The following CELF4 variants were observed in gnomAD, a reference collection of about 807,000 sequenced individuals.
The protein encoded by CELF4 is CUGBP Elav-like family member 4.
CELF4 carries 18 observed loss-of-function variants against 59.9 expected under a neutral mutation model. The observed-to-expected ratio is 0.30, with a 90% CI of 0.21 to 0.45. The LOEUF (loss-of-function observed/expected upper bound fraction) is 0.45. Ranked by LOEUF, CELF4 falls within the 20% of genes least tolerant of loss-of-function variation. The pLI, the probability that CELF4 is intolerant of heterozygous loss-of-function variation, is 1.00. For synonymous variants in CELF4, 261 were observed against 267.1 expected (o/e 0.98, Z 0.22); for missense variants, 456 against 689.0 (o/e 0.66, Z 3.79).
chr18:37,392,504 G>A (rs1367386909), intron 2 of CELF4, among the ~76,000 whole-genome samples: 1 of 152,186 alleles, frequency 6.6e-6, no homozygotes, highest in Non-Finnish European at 1.5e-5. Flanking sequence ...GAGGAGCGGG[G>A]AAGAGGCAGC....
chr18:37,388,682 G>A (rs557150703), intron 2 of CELF4, among the ~76,000 whole-genome samples: 2 of 152,294 alleles, frequency 1.3e-5, no homozygotes, highest in South Asian at 4.1e-4. Flanking sequence ...CAATAAGTGC[G>A]GTGGGGAGGG....
chr18:37,312,935 A>T (rs1016030249), intron 3 of CELF4, among the ~76,000 whole-genome samples: 1 of 152,212 alleles, frequency 6.6e-6, no homozygotes, highest in Non-Finnish European at 1.5e-5. Context: ...GAACAAGGAT[A>T]TGTAGCCCCC....
At chr18:37,434,678 C>T (rs2099683860) in intron 2 of CELF4, among the ~76,000 whole-genome samples, 1 of 152,178 alleles carries the variant, frequency 6.6e-6, no homozygotes, top group Non-Finnish European at 1.5e-5. Context: ...ATTGGCCTTA[C>T]AGCAGCCACT....
intron 1 of CELF4, among the ~76,000 whole-genome samples, chr18:37,516,965 C>G (rs2099951351): frequency 6.6e-6 from 1 of 152,250 alleles, no homozygotes; most frequent in Non-Finnish European, 1.5e-5. Flanking sequence ...TCTCTGCAGA[C>G]TGGGAAGCCC....
chr18:37,554,282 C>G (rs545851342), intron 1 of CELF4, among the ~76,000 whole-genome samples: 1 of 151,782 alleles, frequency 6.6e-6, no homozygotes, highest in Admixed American at 6.5e-5. Flanking sequence ...CCGCAGGGCT[C>G]TTTGTCCCGC....
At chr18:37,282,911 G>A (rs1009780984) in intron 3 of CELF4, among the ~76,000 whole-genome samples, 3 of 152,172 alleles carry the variant, frequency 2.0e-5, no homozygotes, top group African/African-American at 7.2e-5. Flanking sequence ...GCTGGGCTGG[G>A]AGCCGCCTCT....
At chr18:37,279,495 C>G (rs1052794008) in intron 3 of CELF4, among the ~76,000 whole-genome samples, 9 of 152,204 alleles carry the variant, frequency 5.9e-5, no homozygotes, top group Non-Finnish European at 1.3e-4. Flanking sequence ...ACGGGTTCCT[C>G]CTGGTCAAGG....
chr18:37,478,567 G>A (rs1364618739), intron 2 of CELF4, among the ~76,000 whole-genome samples: 2 of 152,144 alleles, frequency 1.3e-5, no homozygotes, highest in Admixed American at 6.5e-5. Flanking sequence ...GGCAGGGAAG[G>A]AGAAAGTGGG....
intron 2 of CELF4, among the ~76,000 whole-genome samples, chr18:37,379,410 C>T (rs538833587): frequency 1.4e-5 from 2 of 141,366 alleles, no homozygotes; most frequent in East Asian, 2.2e-4. Context: ...GTTAATGATG[C>T]TGGCTGCCTT....
intron 1 of CELF4, among the ~76,000 whole-genome samples, chr18:37,508,606 T>C (rs1203811788): frequency 3.9e-5 from 6 of 152,220 alleles, no homozygotes; most frequent in Non-Finnish European, 2.9e-5. Context: ...CGCTGACAAA[T>C]GCCACAGGTG....
At chr18:37,441,927 CG>C (rs2099726505) in intron 2 of CELF4, among the ~76,000 whole-genome samples, 2 of 151,920 alleles carry the variant, frequency 1.3e-5, no homozygotes, top group Non-Finnish European at 1.5e-5. Context: ...GGTGCGTCAC[CG>C]AAACCGCAAA....
At chr18:37,553,211 G>A (rs2099983772) in intron 1 of CELF4, among the ~76,000 whole-genome samples, 1 of 152,034 alleles carries the variant, frequency 6.6e-6, no homozygotes, top group Admixed American at 6.6e-5. Flanking sequence ...AATTGGATAA[G>A]AAAATGAGCC....
At chr18:37,556,203 G>T (rs764932522) in intron 1 of CELF4, among the ~76,000 whole-genome samples, 10 of 152,228 alleles carry the variant, frequency 6.6e-5, no homozygotes, top group Admixed American at 1.3e-4. Flanking sequence ...GCAAGAGACA[G>T]CACTCACTGG....
In CELF4 at chr18:37,321,846, G is replaced by A. The variant is rs1256110078; in HGVS notation, c.405C>T (p.Ser135=). ...GGCAGCTACTACCTCCTCGGCTCTC[G>A]CTGTCCGCAGGCTTCACCTGGATCG... ...NRPIQVKPAD[S]ESRGGSSCLR... The change falls in exon 3 of 13, where the codon AGC becomes AGT. Residue 135 remains serine (S), a synonymous_variant. Coordinates refer to ENST00000420428, the MANE Select transcript of CELF4 (RefSeq NM_020180.4). 1 of 1,613,328 alleles carries A rather than the reference G, an allele frequency of 6.2e-7. No homozygotes were observed. The highest frequency in any genetic ancestry group is 8.5e-7 in the Non-Finnish European group (1 of 1,179,626).
At chr18:37,343,575 G>A (rs1415865517) in intron 2 of CELF4, among the ~76,000 whole-genome samples, 1 of 151,882 alleles carries the variant, frequency 6.6e-6, no homozygotes, top group Non-Finnish European at 1.5e-5. Flanking sequence ...TGGTGCATAT[G>A]TGTGTATATG....
At chr18:37,414,123 G>C (rs769062551) in intron 2 of CELF4, among the ~76,000 whole-genome samples, 1 of 152,108 alleles carries the variant, frequency 6.6e-6, no homozygotes, top group Non-Finnish European at 1.5e-5. Context: ...CAGGGATTCG[G>C]CAAACACTTG....
chr18:37,402,592 A>G (rs552757443), intron 2 of CELF4, among the ~76,000 whole-genome samples: 59 of 152,292 alleles, frequency 3.9e-4, no homozygotes, highest in African/African-American at 1.4e-3. Context: ...GCTCTTTGTC[A>G]TTCTTTATTC....
intron 2 of CELF4, among the ~76,000 whole-genome samples, chr18:37,413,920 T>G (rs1242268151): frequency 6.6e-6 from 1 of 152,112 alleles, no homozygotes; most frequent in Non-Finnish European, 1.5e-5. Flanking sequence ...AAGTCTCCTT[T>G]GTAGGGTGAG....
At chr18:37,334,407 G>A (rs923022410) in intron 2 of CELF4, among the ~76,000 whole-genome samples, 1 of 152,174 alleles carries the variant, frequency 6.6e-6, no homozygotes, top group African/African-American at 2.4e-5. Flanking sequence ...AGGAGCCCTC[G>A]GATGTGGGGT....
Sources: gnomAD v4.1 joint callset for allele counts (sites outside exome capture counted in the v4.1 genomes callset) on GRCh38, gnomAD v4.1.1 for gene constraint, MANE v1.5 for transcripts, NCBI Gene and HGNC (gene_info 2026-07-23, HGNC 2026-07-21) for gene names.